EMC3: variants seen among roughly 807,000 people sequenced by gnomAD.
EMC3 encodes the protein ER membrane protein complex subunit 3.
A neutral mutation model predicts 36.6 loss-of-function variants in EMC3; 13 were observed. The observed-to-expected ratio is 0.35, with a 90% CI of 0.23 to 0.56. The LOEUF is 0.56. Among genes scored for constraint, EMC3 ranks in the 20% least tolerant of loss-of-function variants. The pLI is 0.84. For synonymous variants in EMC3, 120 were observed against 111.9 expected, an observed-to-expected ratio of 1.07 and a Z score of -0.46; for missense variants, 220 against 324.5, an observed-to-expected ratio of 0.68 and a Z score of 2.47.
chr3:10,001,766 G>C (rs558097190), intron 1 of EMC3, among the ~76,000 whole-genome samples: 24 of 152,062 alleles, frequency 1.6e-4, no homozygotes, highest in Non-Finnish European at 3.5e-4. Context: ...GAGAGACCGA[G>C]GCGGGCAGAT....
intron 1 of EMC3, chr3:10,007,603 T>C (rs2272118): frequency 0.27 from 362,704 of 1,366,532 alleles, 54,811 homozygotes; most frequent in African/African-American, 0.66. Flanking sequence ...GGAGGGTTGA[T>C]GGCAAGACAC....
rs2086229620 is a variant in EMC3 at position 10,003,579 on chromosome 3, G to A, written c.-242+7444C>T. 3 of 261,508 alleles carry A rather than the reference G, an allele frequency of 1.1e-5. No individual in the cohort carries two copies. The Admixed American group carries it at 1.4e-4, about 12-fold the overall frequency. 16.2% of individuals were successfully genotyped at this position (261,508 alleles called of 1,614,324 possible). On this transcript the variant is annotated intron_variant, in intron 1 of 8. Transcript: ENST00000470827. ...CACCATTGGCCGTGGCACGTTCAGT[G>A]AGGTCCAGGATCACATGCTGATTGG... is the stretch of plus-strand genomic sequence containing the variant.
intron 1 of EMC3, among the ~76,000 whole-genome samples, chr3:9,995,514 T>C (rs1188120985): frequency 1.3e-5 from 2 of 148,840 alleles, no homozygotes; most frequent in Non-Finnish European, 3.0e-5. Flanking sequence ...TGGGACTGGG[T>C]TGATTGTGAT....
chr3:9,963,477 A>AGATAGATAGATAGATAGATAGATATTT lies in EMC3; in HGVS notation c.*591_*592insAAATATCTATCTATCTATCTATCTATC, dbSNP rs1277013031. 3.4e-5 allele frequency: 3 copies of AGATAGATAGATAGATAGATAGATATTT among 88,908 alleles called. No individual in the cohort carries two copies. The highest frequency in any genetic ancestry group is 6.4e-4 in the South Asian group (2 of 3,142). The allele number at this position is 88,908 out of a possible 1,614,324, so 5.5% of individuals were successfully genotyped here. A position where few individuals can be genotyped will look rare whatever the true frequency, so the allele number is the denominator to read the frequency against. On this transcript the variant is annotated 3_prime_UTR_variant, in exon 8 of 8. Transcript: ENST00000245046. ...TAGATATATATATATATATATATAT[A>AGATAGATAGATAGATAGATAGATATTT]TTTTTTTTTTTTTTTCAGATGGAGT...
chr3:9,969,162 G>C (rs1422491002), intron 7 of EMC3: 3 of 191,440 alleles, frequency 1.6e-5, no homozygotes, highest in Non-Finnish European at 3.1e-5. Context: ...GTTTCACCAT[G>C]TTGTCCAGGC....
At chr3:9,996,270 C>T (rs1376162533) in intron 1 of EMC3, among the ~76,000 whole-genome samples, 6 of 151,948 alleles carry the variant, frequency 3.9e-5, no homozygotes, top group African/African-American at 1.5e-4. Context: ...ATGGTGAAAC[C>T]CCATCTCTAC....
Position 9,986,476 on chromosome 3 carries a change from T to TG in EMC3, c.155+30dup, listed in dbSNP as rs1327887537. 3.1e-6 allele frequency: 5 copies of TG among 1,608,880 alleles called. No individual in the cohort carries two copies. The African/African-American group carries it at 4.0e-5, about 13-fold the overall frequency. On this transcript the variant is annotated intron_variant, in intron 1 of 7. Coordinates refer to ENST00000245046, the MANE Select transcript of EMC3 (RefSeq NM_001394674.1). ...TTTTTTGCCCAAGGTCACGGCGGTG[T>TG]GAGGTAGGCTGGAGAAGGGAGGGCG...
chr3:9,997,989 C>G (rs1306802201), intron 1 of EMC3, among the ~76,000 whole-genome samples: 3 of 152,140 alleles, frequency 2.0e-5, no homozygotes, highest in Non-Finnish European at 4.4e-5. Flanking sequence ...TCCATAGCAG[C>G]TGCATAATTT....
intron 5 of EMC3, among the ~76,000 whole-genome samples, chr3:9,971,056 G>A (rs1279120733): frequency 2.0e-5 from 3 of 152,018 alleles, no homozygotes; most frequent in African/African-American, 7.2e-5. Flanking sequence ...CTGAGTAGCT[G>A]GGACTACAGG....
rs149286996 is a variant in EMC3, at chr3:9,992,038, C to T, written c.-241-5136G>A. Reference sequence around the variant, plus strand: ...CCACCCCTCACCTCCTGCTGTGCAGCTTGGTTCCTAGCAGACCACAGACTC... The same window carrying T: ...CCACCCCTCACCTCCTGCTGTGCAGTTTGGTTCCTAGCAGACCACAGACTC... On this transcript the variant is annotated intron_variant, in intron 1 of 8. Transcript: ENST00000470827. Among the ~76,000 whole-genome samples the T allele has an allele frequency of 2.8e-3, 423 of 152,266 alleles. 3 individuals carry two copies. Among genetic ancestry groups the T allele is most frequent in the African/African-American group, 9.7e-3 (405 of 41,564 alleles).
intron 4 of EMC3, 33 bp downstream of exon 4, chr3:9,974,351 G>T (rs1283498556): frequency 6.9e-7 from 1 of 1,442,240 alleles, no homozygotes; most frequent in Non-Finnish European, 9.8e-7. Flanking sequence ...AATTTCTCTG[G>T]GTAACATGAA....
intron 1 of EMC3, among the ~76,000 whole-genome samples, chr3:9,978,059 C>T (rs1488301983): frequency 6.8e-6 from 1 of 147,030 alleles, no homozygotes; most frequent in Non-Finnish European, 1.5e-5. Flanking sequence ...GCCTCTAATC[C>T]CAGCAATTTG....
upstream of EMC3, among the ~76,000 whole-genome samples, chr3:9,990,840 TTA>T (rs201303949): frequency 0.047 from 7,042 of 149,312 alleles, 535 homozygotes; most frequent in African/African-American, 0.17. Context: ...ATTTATTTAT[TTA>T]TTTTTTGAGA....
chr3:9,983,332 G>A (rs2085932578), intron 1 of EMC3, among the ~76,000 whole-genome samples: 1 of 152,062 alleles, frequency 6.6e-6, no homozygotes, highest in African/African-American at 2.4e-5. Flanking sequence ...ATTTTTAGCA[G>A]AGATGGGGTT....
intron 1 of EMC3, chr3:10,002,764 G>C (rs1374777868): frequency 4.4e-6 from 2 of 452,716 alleles, no homozygotes; most frequent in East Asian, 1.4e-4. Context: ...GATACACCCA[G>C]AAATGTCCCT....
At chr3:9,989,595 C>G (rs1228478675), upstream of EMC3, among the ~76,000 whole-genome samples, 5 of 151,748 alleles carry the variant, frequency 3.3e-5, no homozygotes, top group African/African-American at 1.2e-4. Context: ...TTTGGGATGA[C>G]TATCTTAAAA....
Position 9,963,482 on chromosome 3 carries a change from T to A in EMC3, c.*587A>T, listed in dbSNP as rs1253078153. 104 of 142,816 alleles carry A rather than the reference T, an allele frequency of 7.3e-4. No homozygotes were observed. Among genetic ancestry groups the A allele is most frequent in the Non-Finnish European group, 1.2e-3 (81 of 65,416 alleles). The allele number at this position is 142,816 out of a possible 1,614,324, so 8.8% of individuals were successfully genotyped here. On this transcript the variant is annotated 3_prime_UTR_variant, in exon 8 of 8. Coordinates refer to ENST00000245046, the MANE Select transcript of EMC3 (RefSeq NM_001394674.1). ...ATATATATATATATATATATATTTT[T>A]TTTTTTTTTTCAGATGGAGTTTTGC...
intron 1 of EMC3, among the ~76,000 whole-genome samples, chr3:9,984,941 C>G (rs1174711816): frequency 6.6e-6 from 1 of 152,190 alleles, no homozygotes. Context: ...ATATGTACCT[C>G]ATAGAGTTGC....
At position 9,963,997 on chromosome 3, in the gene EMC3, G is replaced by A; in HGVS notation, c.*72C>T. 6.3e-7 allele frequency: 1 copy of A among 1,583,448 alleles called. No individual in the cohort carries two copies. Among genetic ancestry groups the A allele is most frequent in the Non-Finnish European group, 8.6e-7 (1 of 1,164,122 alleles). Reference sequence around the variant, plus strand: ...CATCCTCCTTTTTATTTCAAGAGGTGCCAGCTCCAAACAAAGTTACAAGGT... The same window carrying A: ...CATCCTCCTTTTTATTTCAAGAGGTACCAGCTCCAAACAAAGTTACAAGGT... On this transcript the variant is annotated 3_prime_UTR_variant, in exon 8 of 8. Coordinates refer to ENST00000245046, the MANE Select transcript of EMC3 (RefSeq NM_001394674.1).
Sources: allele counts gnomAD v4.1 joint callset (sites outside exome capture counted in the v4.1 genomes callset), GRCh38; gene constraint gnomAD v4.1.1; transcripts MANE v1.5; gene names NCBI Gene and HGNC (gene_info 2026-07-23, HGNC 2026-07-21).